The following CCDC63 variants were observed in gnomAD, a reference collection of about 807,000 sequenced individuals.
The protein encoded by CCDC63 is coiled-coil domain containing 63.
A neutral mutation model predicts 63.6 loss-of-function variants in CCDC63; 54 were observed. That is an observed-to-expected ratio of 0.85 (90% CI 0.68 to 1.07). The LOEUF (loss-of-function observed/expected upper bound fraction) is 1.07, where lower values mean the gene tolerates loss of function less well. Ranked by LOEUF, CCDC63 falls within the 50% of genes least tolerant of loss-of-function variation. The pLI, the probability that CCDC63 is intolerant of heterozygous loss-of-function variation, is 0.00. For synonymous variants in CCDC63, 253 were observed against 266.1 expected, an observed-to-expected ratio of 0.95 and a Z score of 0.48; for missense variants, 637 against 689.6, an observed-to-expected ratio of 0.92 and a Z score of 0.86.
intron 4 of CCDC63, among the ~76,000 whole-genome samples, chr12:110,866,214 G>A (rs917515864): frequency 6.6e-6 from 1 of 152,046 alleles, no homozygotes; most frequent in African/African-American, 2.4e-5. Context: ...CTGACCTCAG[G>A]TGATCCACCT....
chr12:110,844,744 A>G (rs757599354), upstream of CCDC63, among the ~76,000 whole-genome samples: 1 of 152,198 alleles, frequency 6.6e-6, no homozygotes, highest in African/African-American at 2.4e-5. Flanking sequence ...TCCTGGTTAC[A>G]TAGGCTCAAT....
At chr12:110,873,725 T>G (rs1039670679) in intron 4 of CCDC63, 117 bp from the exon 5 acceptor site, 1 of 1,297,934 alleles carries the variant, frequency 7.7e-7, no homozygotes, top group Non-Finnish European at 1.0e-6. Flanking sequence ...GTTAGTGAAC[T>G]GTAGAGCTGG....
chr12:110,883,607 T>TG (rs1379475002), intron 7 of CCDC63, among the ~76,000 whole-genome samples: 1,493 of 140,068 alleles, frequency 0.011, 25 homozygotes, highest in African/African-American at 0.037. Flanking sequence ...TATATATATT[T>TG]TTTTGTTTGT....
At chr12:110,904,438 C>T (rs1452993495) in intron 10 of CCDC63, 150 bp from the exon 11 acceptor site, 1 of 654,128 alleles carries the variant, frequency 1.5e-6, no homozygotes, top group Non-Finnish European at 2.7e-6. Context: ...TAGTGACGCC[C>T]AGGAGAAAGC....
intron 8 of CCDC63, among the ~76,000 whole-genome samples, chr12:110,888,243 G>C (rs759678255): frequency 1.2e-4 from 18 of 152,164 alleles, no homozygotes; most frequent in Non-Finnish European, 2.6e-4. Flanking sequence ...GGCAGGCCTG[G>C]AAGTGGGCAG....
intron 5 of CCDC63, among the ~76,000 whole-genome samples, chr12:110,878,089 G>GT (rs1227175653): frequency 1.3e-5 from 2 of 152,048 alleles, no homozygotes; most frequent in Admixed American, 1.3e-4. Context: ...TTCACTTAGC[G>GT]TAATGTCCTC....
At chr12:110,890,102 G>A (rs2136717721) in intron 8 of CCDC63, among the ~76,000 whole-genome samples, 1 of 152,102 alleles carries the variant, frequency 6.6e-6, no homozygotes, top group East Asian at 1.9e-4. Flanking sequence ...AGACCAGCCT[G>A]GGCAACATGG....
At chr12:110,881,513 A>C (rs1338390054) in intron 7 of CCDC63, among the ~76,000 whole-genome samples, 1 of 152,142 alleles carries the variant, frequency 6.6e-6, no homozygotes, top group Non-Finnish European at 1.5e-5. Flanking sequence ...TGAGGTCAGG[A>C]ATTTGAGAAC....
intron 4 of CCDC63, among the ~76,000 whole-genome samples, chr12:110,862,975 C>T (rs540816319): frequency 2.7e-3 from 412 of 152,156 alleles, no homozygotes; most frequent in Non-Finnish European, 4.4e-3. Context: ...AGGCTGGTCT[C>T]GAACCCCTGA....
chr12:110,866,652 C>T (rs1160697291), intron 4 of CCDC63, among the ~76,000 whole-genome samples: 1 of 151,542 alleles, frequency 6.6e-6, no homozygotes, highest in Admixed American at 6.6e-5. Context: ...CACAGATCAA[C>T]AGTATCCCAA....
chr12:110,886,135 G>A (rs7311323), intron 8 of CCDC63, among the ~76,000 whole-genome samples: 92,508 of 151,980 alleles, frequency 0.61, 28,935 homozygotes, highest in East Asian at 0.84. Context: ...ACCTGTAATC[G>A]CAGCACTTTG....
At chr12:110,906,029 T>TAATA (rs2071572915) in intron 11 of CCDC63, among the ~76,000 whole-genome samples, 2 of 19,696 alleles carry the variant, frequency 1.0e-4, no homozygotes, top group Non-Finnish European at 2.1e-4. Flanking sequence ...ATATTATATA[T>TAATA]TATAATAATA....
chr12:110,863,404 A>G (rs1271455888), intron 4 of CCDC63, among the ~76,000 whole-genome samples: 1 of 152,186 alleles, frequency 6.6e-6, no homozygotes, highest in Admixed American at 6.5e-5. Flanking sequence ...TGCCACTCGC[A>G]TGATGTACCA....
chr12:110,858,725 G>A lies in CCDC63; in HGVS notation c.319G>A (p.Glu107Lys). 2 of 1,614,148 alleles carry A rather than the reference G, an allele frequency of 1.2e-6. No homozygotes were observed. Among genetic ancestry groups the A allele is most frequent in the Non-Finnish European group, 1.7e-6 (2 of 1,180,026 alleles). ...CCTGCTCCAAACTAAGGAGGACTAT[G>A]AGGCATTGATTAAATCCCTGAAAGT... ...RLLLQTKEDYEALIKSLKVLL... is the reference protein window; with the variant it reads ...RLLLQTKEDYKALIKSLKVLL... The change falls in exon 4 of 12, where the codon GAG (glutamate) becomes AAG (lysine). Residue 107 changes from glutamate to lysine, a missense_variant. Glu to Lys is a moderately conservative substitution (Grantham distance 56). Coordinates refer to ENST00000308208, the MANE Select transcript of CCDC63 (RefSeq NM_152591.3).
intron 3 of CCDC63, among the ~76,000 whole-genome samples, chr12:110,856,844 C>CTTT (rs34855503): frequency 2.3e-4 from 27 of 115,512 alleles, no homozygotes; most frequent in African/African-American, 5.1e-4. Flanking sequence ...CCTTTCCTTT[C>CTTT]TTTTTTTTTT....
intron 10 of CCDC63, 86 bp from the exon 11 acceptor site, chr12:110,904,502 C>T (rs1054703542): frequency 2.0e-5 from 23 of 1,157,072 alleles, no homozygotes; most frequent in African/African-American, 4.5e-5. Context: ...TGCTCCTCCC[C>T]GCCCTCTGCA....
intron 1 of CCDC63, among the ~76,000 whole-genome samples, chr12:110,849,982 C>A (rs576395381): frequency 6.4e-4 from 97 of 152,152 alleles, no homozygotes; most frequent in Non-Finnish European, 1.2e-3. Flanking sequence ...GGTACAAAAT[C>A]AGATTTGTGT....
chr12:110,887,345 C>T (rs1163137351), intron 8 of CCDC63, among the ~76,000 whole-genome samples: 9 of 151,982 alleles, frequency 5.9e-5, no homozygotes, highest in Admixed American at 5.9e-4. Context: ...AGGATGGTCT[C>T]GAACGCCTGA....
At chr12:110,898,694 T>C (rs977197999) in intron 9 of CCDC63, among the ~76,000 whole-genome samples, 1 of 152,048 alleles carries the variant, frequency 6.6e-6, no homozygotes, top group Non-Finnish European at 1.5e-5. Context: ...AAAACTTACA[T>C]TGAACAATAT....
Sources: allele counts gnomAD v4.1 joint callset (sites outside exome capture counted in the v4.1 genomes callset), GRCh38; gene constraint gnomAD v4.1.1; transcripts MANE v1.5; gene names NCBI Gene and HGNC (gene_info 2026-07-23, HGNC 2026-07-21).